The following SEC24B variants were observed in gnomAD, a reference collection of about 807,000 sequenced individuals.
The protein encoded by SEC24B is SEC24 homolog B, COPII component.
In SEC24B, 45 loss-of-function variants were observed where a neutral mutation model predicts 142.8. That is an observed-to-expected ratio of 0.32 (90% CI 0.25 to 0.40). The LOEUF (loss-of-function observed/expected upper bound fraction) is 0.40. Ranked by LOEUF, SEC24B falls within the 10% of genes least tolerant of loss-of-function variation. SEC24B has a pLI of 1.00. For missense variants in SEC24B, 1,409 were observed against 1,526.8 expected (o/e 0.92, Z 1.29); for synonymous variants, 574 against 568.2 (o/e 1.01, Z -0.15).
In SEC24B at chr4:109,524,752, A is replaced by T; in HGVS notation, c.2509-66A>T. The stretch of plus-strand genomic sequence containing the variant: ...GGAGGCAGAGGATATCCTTTTTGTT[A>T]TAAAAATGACATGAAAATATGAGCA... On this transcript the variant is annotated intron_variant, in intron 14 of 23. Coordinates refer to ENST00000265175, the MANE Select transcript of SEC24B (RefSeq NM_006323.5). 4 of 1,480,444 alleles carry T rather than the reference A, an allele frequency of 2.7e-6. No homozygotes were observed. In the Admixed American group the frequency reaches 6.3e-5, roughly 23 times the overall value. The allele number at this position is 1,480,444 out of a possible 1,614,324, so 91.7% of individuals were successfully genotyped here.
At chr4:109,514,351 G>A (rs184499314) in intron 10 of SEC24B, among the ~76,000 whole-genome samples, 1 of 152,170 alleles carries the variant, frequency 6.6e-6, no homozygotes, top group African/African-American at 2.4e-5. Context: ...CGAATTACTG[G>A]CCCTAAGGTT....
At chr4:109,516,917 A>G (rs1722993582) in intron 11 of SEC24B, among the ~76,000 whole-genome samples, 1 of 152,188 alleles carries the variant, frequency 6.6e-6, no homozygotes, top group Non-Finnish European at 1.5e-5. Context: ...GGGGCCAGAA[A>G]TGTTGAGTTA....
chr4:109,466,297 A>G (rs1379445738), intron 2 of SEC24B, among the ~76,000 whole-genome samples: 1 of 152,218 alleles, frequency 6.6e-6, no homozygotes, highest in Non-Finnish European at 1.5e-5. Flanking sequence ...GTACAGGGTA[A>G]GGGAATACTG....
intron 7 of SEC24B, among the ~76,000 whole-genome samples, chr4:109,508,899 G>A (rs1421179078): frequency 1.3e-5 from 2 of 152,182 alleles, no homozygotes; most frequent in Non-Finnish European, 2.9e-5. Context: ...TCCGTGTACT[G>A]GGGATAAAGT....
In SEC24B at chr4:109,434,254, T is replaced by G. The variant is rs546049130; in HGVS notation, c.133+252T>G. 3.0e-4 allele frequency among the ~76,000 whole-genome samples: 46 copies of G among 151,996 alleles called. 2 individuals are homozygous for G. The South Asian group carries it at 9.5e-3, about 31-fold the overall frequency. On this transcript the variant is annotated intron_variant, in intron 1 of 23. Transcript: ENST00000265175. ...GGGGCGGGGGCCGGCCTGGGAAAGC[T>G]GGGGCCGTGGCTGTTTATGTAATGC...
intron 4 of SEC24B, among the ~76,000 whole-genome samples, chr4:109,489,178 A>G (rs1167996621): frequency 6.6e-6 from 1 of 152,064 alleles, no homozygotes; most frequent in Non-Finnish European, 1.5e-5. Context: ...AAATTCATTT[A>G]GTCATGAAGA....
intron 5 of SEC24B, among the ~76,000 whole-genome samples, chr4:109,492,025 C>T (rs923514201): frequency 3.3e-5 from 5 of 152,098 alleles, no homozygotes; most frequent in African/African-American, 4.8e-5. Flanking sequence ...TGATCTCTCT[C>T]TCTCTTTTCC....
At chr4:109,478,348 CTT>C (rs567625668) in intron 3 of SEC24B, among the ~76,000 whole-genome samples, 1 of 150,750 alleles carries the variant, frequency 6.6e-6, no homozygotes, top group African/African-American at 2.4e-5. Flanking sequence ...GTGGGTGGTT[CTT>C]TTTTTTCTAA....
intron 6 of SEC24B, among the ~76,000 whole-genome samples, chr4:109,499,503 T>C (rs896362913): frequency 6.6e-6 from 1 of 152,120 alleles, no homozygotes; most frequent in Non-Finnish European, 1.5e-5. Flanking sequence ...TGTGTGTATA[T>C]ACACACACAT....
At chr4:109,463,741 A>G in intron 2 of SEC24B, 97 bp downstream of exon 2, 1 of 1,492,730 alleles carries the variant, frequency 6.7e-7, no homozygotes, top group Non-Finnish European at 8.9e-7. Flanking sequence ...ATATTGCCTA[A>G]TAGAAAAACT....
rs770333703 is a variant in SEC24B, at chr4:109,525,338, C to G, written c.2633-8C>G. ...TATAGCTAATACTTTTTGTATTTCTCTCTAAAGCTTGCATGTCCAAGTATT... is the reference window on the plus strand; with the variant it reads ...TATAGCTAATACTTTTTGTATTTCTGTCTAAAGCTTGCATGTCCAAGTATT... On this transcript the variant is annotated splice_region_variant and splice_polypyrimidine_tract_variant and intron_variant, in intron 15 of 23. Coordinates refer to ENST00000265175, the MANE Select transcript of SEC24B (RefSeq NM_006323.5). The G allele has an allele frequency of 6.4e-7, 1 of 1,572,752 alleles. No individual in the cohort carries two copies. The highest frequency in any genetic ancestry group is 2.3e-5 in the East Asian group (1 of 43,580).
rs780446081 is a variant in SEC24B, at chr4:109,463,546, T to C, written c.779T>C (p.Leu260Pro). ...CAAAGTCTTTCAGGATACAGTACTCTAACGTGGTCATCTCCAGGCCTTCCA... is the reference window on the plus strand; with the variant it reads ...CAAAGTCTTTCAGGATACAGTACTCCAACGTGGTCATCTCCAGGCCTTCCA... Reference protein sequence around the residue: ...QQQSLSGYSTLTWSSPGLPST... With the variant: ...QQQSLSGYSTPTWSSPGLPST... The change falls in exon 2 of 24, where the codon CTA (leucine) becomes CCA (proline). Residue 260 changes from leucine to proline, a missense_variant. Physicochemically the swap from Leu to Pro is moderately conservative, Grantham distance 98 (BLOSUM62 -3). Transcript: ENST00000265175. The C allele has an allele frequency of 1.8e-5, 29 of 1,614,168 alleles. No individual in the cohort carries two copies. The Middle Eastern group carries it at 3.1e-3, about 174-fold the overall frequency.
At chr4:109,496,237 C>T (rs1371005685) in intron 6 of SEC24B, among the ~76,000 whole-genome samples, 2 of 151,932 alleles carry the variant, frequency 1.3e-5, no homozygotes, top group African/African-American at 4.8e-5. Context: ...CTCAGCCTTC[C>T]GAGTAGCTGT....
intron 2 of SEC24B, among the ~76,000 whole-genome samples, chr4:109,465,266 T>C (rs1731741556): frequency 6.6e-6 from 1 of 152,226 alleles, no homozygotes; most frequent in African/African-American, 2.4e-5. Context: ...TCTGGCTGTC[T>C]ACCAGAATCA....
chr4:109,507,777 C>G (rs899126484), intron 7 of SEC24B, among the ~76,000 whole-genome samples: 2 of 152,104 alleles, frequency 1.3e-5, no homozygotes, highest in African/African-American at 4.8e-5. Flanking sequence ...TCCCGAGTAC[C>G]TGGGATTACA....
At chr4:109,437,500 G>A (rs1728512488) in intron 1 of SEC24B, among the ~76,000 whole-genome samples, 1 of 152,056 alleles carries the variant, frequency 6.6e-6, no homozygotes, top group Admixed American at 6.5e-5. Flanking sequence ...ATGTTGCCCA[G>A]GCTGTTCTCT....
chr4:109,480,206 T>G (rs1733593353), intron 3 of SEC24B, among the ~76,000 whole-genome samples: 1 of 152,120 alleles, frequency 6.6e-6, no homozygotes, highest in South Asian at 2.1e-4. Context: ...AAAATTTTAT[T>G]CTTAATAGTT....
chr4:109,491,237 C>G, intron 4 of SEC24B, 90 bp from the exon 5 acceptor site: 1 of 951,266 alleles, frequency 1.1e-6, no homozygotes, highest in South Asian at 1.5e-5. Context: ...TTTCCTAGTT[C>G]CGCAAAAACA....
At chr4:109,471,053 G>A (rs185245437) in intron 2 of SEC24B, among the ~76,000 whole-genome samples, 8 of 151,028 alleles carry the variant, frequency 5.3e-5, no homozygotes, top group African/African-American at 2.0e-4. Context: ...GAGTTCATGG[G>A]TATTTATTTT....
Sources: gnomAD v4.1 joint callset for allele counts (sites outside exome capture counted in the v4.1 genomes callset) on GRCh38, gnomAD v4.1.1 for gene constraint, MANE v1.5 for transcripts, NCBI Gene and HGNC (gene_info 2026-07-23, HGNC 2026-07-21) for gene names.